RAPGEF6: variants seen among roughly 807,000 people sequenced by gnomAD.
RAPGEF6 encodes the protein PDZ domain containing guanine nucleotide exchange factor (GEF) 2.
A neutral mutation model predicts 171.4 loss-of-function variants in RAPGEF6; 56 were observed. The observed-to-expected ratio is 0.33, with a 90% CI of 0.26 to 0.41. RAPGEF6 has a LOEUF of 0.41. RAPGEF6 is among the 10% of genes least tolerant of loss of function. The pLI is 1.00. For synonymous variants in RAPGEF6, 692 were observed against 650.1 expected (o/e 1.06, Z -0.98); for missense variants, 1,674 against 1,921.4 (o/e 0.87, Z 2.41).
At position 131,464,028 on chromosome 5, in the gene RAPGEF6, T is replaced by C. The variant is rs1475743108; in HGVS notation, c.2480+13A>G. On this transcript the variant is annotated intron_variant, in intron 18 of 27. Transcript: ENST00000509018. The stretch of plus-strand genomic sequence containing the variant: ...ATCTACAAATAAGCACATCCACTAA[T>C]AAGCTTATTCACCTTCCATTGAGTT... 2 of 1,566,144 alleles carry C rather than the reference T, an allele frequency of 1.3e-6. No individual in the cohort carries two copies. Among genetic ancestry groups the C allele is most frequent in the Non-Finnish European group, 1.7e-6 (2 of 1,156,142 alleles).
At chr5:131,468,542 C>A (rs570437506) in intron 17 of RAPGEF6, among the ~76,000 whole-genome samples, 16 of 96,980 alleles carry the variant, frequency 1.6e-4, no homozygotes, top group African/African-American at 5.4e-4. Flanking sequence ...CCTGAGATTA[C>A]ACTAAAAATG....
At chr5:131,443,723 CT>C (rs1290197222) in intron 22 of RAPGEF6, among the ~76,000 whole-genome samples, 1 of 152,210 alleles carries the variant, frequency 6.6e-6, no homozygotes, top group African/African-American at 2.4e-5. Flanking sequence ...TCTCATTAGG[CT>C]TTATCTTCTC....
chr5:131,446,028 A>G (rs1366364920), intron 22 of RAPGEF6, among the ~76,000 whole-genome samples: 1 of 152,114 alleles, frequency 6.6e-6, no homozygotes, highest in African/African-American at 2.4e-5. Context: ...GATTACTAAT[A>G]TTGGAATGTG....
intron 6 of RAPGEF6, among the ~76,000 whole-genome samples, chr5:131,523,564 G>C (rs949313404): frequency 2.0e-5 from 3 of 151,944 alleles, no homozygotes; most frequent in African/African-American, 7.2e-5. Context: ...GAAAAGTAAA[G>C]ACTAGTCTGA....
At chr5:131,535,791 A>T (rs1006378440) in intron 6 of RAPGEF6, among the ~76,000 whole-genome samples, 1 of 152,210 alleles carries the variant, frequency 6.6e-6, no homozygotes, top group African/African-American at 2.4e-5. Context: ...TTGTTTAGAA[A>T]GCCAAAGATA....
intron 4 of RAPGEF6, among the ~76,000 whole-genome samples, chr5:131,585,859 T>C (rs1041706655): frequency 7.9e-5 from 12 of 152,110 alleles, no homozygotes; most frequent in African/African-American, 2.4e-4. Context: ...ACCATTTGTC[T>C]CTTATCTACC....
intron 5 of RAPGEF6, among the ~76,000 whole-genome samples, chr5:131,561,561 A>G (rs1174965747): frequency 1.3e-5 from 2 of 150,766 alleles, no homozygotes; most frequent in Non-Finnish European, 3.0e-5. Context: ...TCAGGAGGCT[A>G]GGGCAGGAAA....
intron 4 of RAPGEF6, among the ~76,000 whole-genome samples, chr5:131,580,139 G>A (rs1762859584): frequency 6.7e-6 from 1 of 148,184 alleles, no homozygotes; most frequent in Non-Finnish European, 1.5e-5. Context: ...GTGGGGGGGG[G>A]CTCGGGCATG....
At chr5:131,449,076 G>A (rs371778803) in intron 21 of RAPGEF6, among the ~76,000 whole-genome samples, 2 of 152,130 alleles carry the variant, frequency 1.3e-5, no homozygotes, top group African/African-American at 2.4e-5. Context: ...TGTAATAAAA[G>A]CTTCTAACTT....
At chr5:131,577,851 T>C (rs1339938307) in intron 4 of RAPGEF6, among the ~76,000 whole-genome samples, 1 of 152,218 alleles carries the variant, frequency 6.6e-6, no homozygotes, top group African/African-American at 2.4e-5. Context: ...ATAACCCTTA[T>C]GAGCCTAATA....
At chr5:131,560,577 T>C (rs936071227) in intron 5 of RAPGEF6, among the ~76,000 whole-genome samples, 2 of 152,144 alleles carry the variant, frequency 1.3e-5, no homozygotes, top group South Asian at 2.1e-4. Flanking sequence ...CCTCAATACA[T>C]ACATTAAAAA....
chr5:131,596,897 C>T lies in RAPGEF6; in HGVS notation c.198-4431G>A, dbSNP rs188936615. Among the ~76,000 whole-genome samples, 17 of 152,258 alleles carry T rather than the reference C, an allele frequency of 1.1e-4. No homozygotes were observed. In the East Asian group the frequency reaches 2.5e-3, roughly 22 times the overall value. ...AAACAAAAACAGATAAATCTGATTA[C>T]ATCAAACTAAAAAGTTTTTGCGCAG... On this transcript the variant is annotated intron_variant, in intron 3 of 27. Transcript: ENST00000509018.
chr5:131,517,419 A>G (rs972717789), intron 7 of RAPGEF6, among the ~76,000 whole-genome samples: 1 of 151,446 alleles, frequency 6.6e-6, no homozygotes. Context: ...CTAAATTTCT[A>G]GAAGAATAAA....
intron 4 of RAPGEF6, among the ~76,000 whole-genome samples, chr5:131,579,178 TG>T (rs1194672058): frequency 6.6e-6 from 1 of 152,162 alleles, no homozygotes; most frequent in Non-Finnish European, 1.5e-5. Context: ...TCCTCCCGTC[TG>T]GAGTTGTTCA....
At position 131,427,171 on chromosome 5, in the gene RAPGEF6, T is replaced by A; in HGVS notation, c.*95A>T. ...AAAACCTCTGGACTGGTTGTAGCAA[T>A]GAGCTGTTCGTTAGCAATGGCCTGC... On this transcript the variant is annotated 3_prime_UTR_variant, in exon 28 of 28. Coordinates refer to ENST00000509018, the MANE Select transcript of RAPGEF6 (RefSeq NM_016340.6). 2 of 1,145,986 alleles carry A rather than the reference T, an allele frequency of 1.7e-6. No homozygotes were observed. Among genetic ancestry groups the A allele is most frequent in the Non-Finnish European group, 2.7e-6 (2 of 754,540 alleles). The allele number at this position is 1,145,986 out of a possible 1,614,324, so 71.0% of individuals were successfully genotyped here.
intron 7 of RAPGEF6, among the ~76,000 whole-genome samples, chr5:131,515,591 C>T (rs917670694): frequency 2.6e-5 from 4 of 152,130 alleles, no homozygotes; most frequent in African/African-American, 9.7e-5. Context: ...TGAAAAATGT[C>T]AAGTTTACAA....
chr5:131,625,724 G>A (rs1320704989), intron 1 of RAPGEF6, among the ~76,000 whole-genome samples: 1 of 151,350 alleles, frequency 6.6e-6, no homozygotes, highest in Non-Finnish European at 1.5e-5. Flanking sequence ...GCTGAGACAA[G>A]AGAATTGTGT....
chr5:131,540,980 C>CA (rs1476225665), intron 6 of RAPGEF6, among the ~76,000 whole-genome samples: 1 of 151,860 alleles, frequency 6.6e-6, no homozygotes, highest in Non-Finnish European at 1.5e-5. Context: ...GACTCCGTCT[C>CA]AAAAAAAATT....
At chr5:131,515,807 T>C (rs948266316) in intron 7 of RAPGEF6, among the ~76,000 whole-genome samples, 1 of 152,084 alleles carries the variant, frequency 6.6e-6, no homozygotes, top group African/African-American at 2.4e-5. Context: ...AACGTACATA[T>C]GTGATGGGGC....
Sources: gnomAD v4.1 joint callset for allele counts (sites outside exome capture counted in the v4.1 genomes callset) on GRCh38, gnomAD v4.1.1 for gene constraint, MANE v1.5 for transcripts, NCBI Gene and HGNC (gene_info 2026-07-23, HGNC 2026-07-21) for gene names.